TBCK: variants seen among roughly 807,000 people sequenced by gnomAD.
The protein encoded by TBCK is TBC1 domain containing kinase.
TBCK carries 99 observed loss-of-function variants against 113.4 expected under a neutral mutation model. The observed-to-expected ratio is 0.87, with a 90% confidence interval of 0.74 to 1.03. The LOEUF (loss-of-function observed/expected upper bound fraction) is 1.03, where lower values mean the gene tolerates loss of function less well. Ranked by LOEUF, TBCK falls within the 50% of genes least tolerant of loss-of-function variation. The pLI is 0.00. For missense variants in TBCK, 1,045 were observed against 1,061.3 expected (o/e 0.98, Z 0.21); for synonymous variants, 369 against 370.8 (o/e 1.00, Z 0.05).
chr4:106,259,385 A>C (rs1167262520), intron 5 of TBCK, among the ~76,000 whole-genome samples: 1 of 151,912 alleles, frequency 6.6e-6, no homozygotes, highest in East Asian at 1.9e-4. Context: ...AAAGAGGAAA[A>C]CACAAATGGA....
intron 23 of TBCK, among the ~76,000 whole-genome samples, chr4:106,136,320 T>C (rs1746551033): frequency 7.1e-6 from 1 of 141,292 alleles, no homozygotes; most frequent in African/African-American, 2.5e-5. Flanking sequence ...TTCTCATCTC[T>C]ATTTTCTCCT....
At chr4:106,083,207 G>A (rs565280181) in intron 25 of TBCK, among the ~76,000 whole-genome samples, 3 of 152,310 alleles carry the variant, frequency 2.0e-5, no homozygotes, top group East Asian at 1.9e-4. Context: ...GGGAAGCGTG[G>A]CACCCATTTG....
chr4:106,291,064 C>A (rs181369230), intron 3 of TBCK, among the ~76,000 whole-genome samples: 1 of 152,256 alleles, frequency 6.6e-6, no homozygotes. Context: ...AGGCAAGTGA[C>A]AATTAAGCTG....
Position 106,171,191 on chromosome 4 carries a change from A to G in TBCK, c.2139T>C (p.His713=), listed in dbSNP as rs778365622. Residue 713 remains histidine, a synonymous_variant, in exon 23 of 26, where the codon CAT becomes CAC. Coordinates refer to ENST00000394708, the MANE Select transcript of TBCK (RefSeq NM_001163435.3). ...WTPKSATYRQ[H]AQPPKPSSDS... ...CAGAAGATGGCTTTGGAGGTTGAGC[A>G]TGCTGTCTGTAAGTAGCACTTTTAG... is the stretch of plus-strand genomic sequence containing the variant. 3 of 1,612,882 alleles carry G rather than the reference A, an allele frequency of 1.9e-6. No homozygotes were observed. The highest frequency in any genetic ancestry group is 1.1e-5 in the South Asian group (1 of 90,898).
At chr4:106,207,928 CAG>C (rs1278286703) in intron 20 of TBCK, among the ~76,000 whole-genome samples, 1 of 152,166 alleles carries the variant, frequency 6.6e-6, no homozygotes, top group African/African-American at 2.4e-5. Flanking sequence ...TAACAAGTGA[CAG>C]AACCGTTTGC....
At chr4:106,073,565 C>G (rs1039214801) in intron 25 of TBCK, among the ~76,000 whole-genome samples, 1 of 152,210 alleles carries the variant, frequency 6.6e-6, no homozygotes, top group Non-Finnish European at 1.5e-5. Context: ...TTAGGCTGCA[C>G]GGGTGTCAGG....
intron 5 of TBCK, among the ~76,000 whole-genome samples, chr4:106,254,103 A>G (rs1315081558): frequency 6.6e-6 from 1 of 152,148 alleles, no homozygotes; most frequent in Non-Finnish European, 1.5e-5. Context: ...ATCTTGAAGA[A>G]CAAATGTTAT....
chr4:106,275,924 T>C (rs1191982979), intron 3 of TBCK, among the ~76,000 whole-genome samples: 1 of 152,050 alleles, frequency 6.6e-6, no homozygotes, highest in African/African-American at 2.4e-5. Context: ...TACTATAAAA[T>C]TTATATAAAA....
rs1762276026 is a variant in TBCK, at chr4:106,259,210, CTGTAATTTGAGTTATAAAGAAAAAAGGG to C, written c.455+1199_455+1226del. On this transcript the variant is annotated intron_variant, in intron 5 of 25. Coordinates refer to ENST00000394708, the MANE Select transcript of TBCK (RefSeq NM_001163435.3). Reference sequence around the variant, plus strand: ...AACTTAAAAAATTTAGTTAAGAAACCTGTAATTTGAGTTATAAAGAAAAAAGGGCAAGTTATATATGAGGCTGGCTTTA... The same window carrying C: ...AACTTAAAAAATTTAGTTAAGAAACCCAAGTTATATATGAGGCTGGCTTTA... 3.3e-5 allele frequency among the ~76,000 whole-genome samples: 5 copies of C among 151,244 alleles called. No individual in the cohort carries two copies. In the South Asian group the frequency reaches 1.0e-3, roughly 32 times the overall value.
chr4:106,113,217 A>G lies in TBCK; in HGVS notation c.2411+2986T>C, dbSNP rs182809601. 9.9e-5 allele frequency among the ~76,000 whole-genome samples: 15 copies of G among 152,276 alleles called. No homozygotes were observed. In the East Asian group the frequency reaches 2.9e-3, roughly 29 times the overall value. On this transcript the variant is annotated intron_variant, in intron 24 of 25. Transcript: ENST00000394708. The stretch of plus-strand genomic sequence containing the variant: ...AATTTCAACAATTTTGTCACAGTGG[A>G]ATATCCAACATTCCACAGGCATCCC...
chr4:106,091,596 G>A (rs1740247961), intron 25 of TBCK, among the ~76,000 whole-genome samples: 1 of 152,094 alleles, frequency 6.6e-6, no homozygotes, highest in South Asian at 2.1e-4. Flanking sequence ...GAGTGTTACA[G>A]CTCTTAAGGC....
intron 24 of TBCK, among the ~76,000 whole-genome samples, chr4:106,111,372 C>T (rs191380211): frequency 1.8e-3 from 273 of 152,278 alleles, no homozygotes; most frequent in African/African-American, 5.6e-3. Flanking sequence ...GGCAATTCCT[C>T]GAGACTGGCC....
At chr4:106,207,574 TAG>T (rs1188812258) in intron 20 of TBCK, among the ~76,000 whole-genome samples, 5 of 152,312 alleles carry the variant, frequency 3.3e-5, no homozygotes, top group Admixed American at 2.6e-4. Context: ...ATGTTATTAA[TAG>T]AGTTAAAAAA....
rs933158614 is a variant in TBCK at position 106,055,014 on chromosome 4, G to T, written c.2572-8334C>A. ...ATAACTATAGAAATAATAAATGCTT[G>T]TGACATATGTTACTATATGTAACAT... On this transcript the variant is annotated intron_variant, in intron 25 of 25. Transcript: ENST00000394708. Among the ~76,000 whole-genome samples the T allele has an allele frequency of 3.3e-5, 5 of 151,740 alleles. No individual in the cohort carries two copies. In the South Asian group the frequency reaches 1.0e-3, roughly 32 times the overall value.
intron 25 of TBCK, among the ~76,000 whole-genome samples, chr4:106,080,552 C>T (rs943313065): frequency 7.4e-4 from 112 of 152,206 alleles, no homozygotes; most frequent in Admixed American, 2.0e-3. Context: ...AATGTAAGAC[C>T]GAAAGCAATC....
intron 25 of TBCK, among the ~76,000 whole-genome samples, chr4:106,065,009 T>G (rs1006302330): frequency 6.6e-6 from 1 of 151,984 alleles, no homozygotes; most frequent in Non-Finnish European, 1.5e-5. Context: ...ACTTTGACCT[T>G]ATGTTAGAAG....
chr4:106,296,241 A>G (rs17036654), intron 2 of TBCK, among the ~76,000 whole-genome samples: 2,059 of 152,268 alleles, frequency 0.014, 51 homozygotes, highest in African/African-American at 0.046. Context: ...TGGGGATTTG[A>G]CAAGGTTATT....
chr4:106,093,585 G>A (rs114883558), intron 25 of TBCK, among the ~76,000 whole-genome samples: 16 of 152,244 alleles, frequency 1.1e-4, no homozygotes, highest in Admixed American at 9.8e-4. Flanking sequence ...GCTTAAAATG[G>A]TTTATGATCA....
chr4:106,286,389 A>G (rs1487550779), intron 3 of TBCK, among the ~76,000 whole-genome samples: 4 of 152,222 alleles, frequency 2.6e-5, no homozygotes, highest in African/African-American at 9.6e-5. Context: ...TCATTGCCAC[A>G]AGATTTGTCG....
Sources: gnomAD v4.1 joint callset for allele counts (sites outside exome capture counted in the v4.1 genomes callset) on GRCh38, gnomAD v4.1.1 for gene constraint, MANE v1.5 for transcripts, NCBI Gene and HGNC (gene_info 2026-07-23, HGNC 2026-07-21) for gene names.